Variants in FKBP15 observed in about 807,000 individuals in gnomAD.
FKBP15 encodes the protein FKBP prolyl isomerase family member 15, also known as FK506-binding protein 15.
FKBP15 carries 106 observed loss-of-function variants against 158.1 expected under a neutral mutation model. The observed-to-expected ratio is 0.67, with a 90% CI of 0.57 to 0.79. The LOEUF (loss-of-function observed/expected upper bound fraction) is 0.79. Ranked by LOEUF, FKBP15 falls within the 30% of genes least tolerant of loss-of-function variation. FKBP15 has a pLI of 0.00. For synonymous variants in FKBP15, 547 were observed against 548.6 expected (o/e 1.00, Z 0.04); for missense variants, 1,287 against 1,479.1 (o/e 0.87, Z 2.13).
chr9:113,185,242 T>G (rs1830465958), intron 15 of FKBP15, among the ~76,000 whole-genome samples: 1 of 152,136 alleles, frequency 6.6e-6, no homozygotes, highest in African/African-American at 2.4e-5. Flanking sequence ...AGAGAGTGTA[T>G]TAAGTGCAAA....
At chr9:113,218,831 C>A (rs1564195867) in intron 1 of FKBP15, among the ~76,000 whole-genome samples, 1 of 152,156 alleles carries the variant, frequency 6.6e-6, no homozygotes, top group African/African-American at 2.4e-5. Flanking sequence ...TTTTTCCTAT[C>A]TTTTACAGAA....
intron 1 of FKBP15, among the ~76,000 whole-genome samples, chr9:113,217,061 G>T (rs946607056): frequency 6.6e-5 from 10 of 151,444 alleles, no homozygotes; most frequent in Non-Finnish European, 1.2e-4. Flanking sequence ...CCGCCACCAG[G>T]CCTGGCTAAT....
At chr9:113,172,208 A>G (rs1243620429) in intron 23 of FKBP15, among the ~76,000 whole-genome samples, 1 of 152,112 alleles carries the variant, frequency 6.6e-6, no homozygotes. Context: ...ATAGTATTCC[A>G]TGGTGTATAT....
intron 23 of FKBP15, among the ~76,000 whole-genome samples, chr9:113,172,610 C>T (rs1043221823): frequency 1.3e-5 from 2 of 152,144 alleles, no homozygotes; most frequent in Non-Finnish European, 2.9e-5. Flanking sequence ...CCTCATCATT[C>T]GACTTCAACG....
intron 15 of FKBP15, among the ~76,000 whole-genome samples, chr9:113,185,654 A>G (rs1830473948): frequency 6.6e-6 from 1 of 152,222 alleles, no homozygotes; most frequent in Non-Finnish European, 1.5e-5. Flanking sequence ...ACATTTGTAC[A>G]TGCATACAAA....
intron 2 of FKBP15, among the ~76,000 whole-genome samples, chr9:113,210,799 G>A (rs1830986206): frequency 6.6e-6 from 1 of 152,164 alleles, no homozygotes; most frequent in Non-Finnish European, 1.5e-5. Flanking sequence ...GGTGGAAGGG[G>A]CTGACTTGCT....
chr9:113,169,953 G>C lies in FKBP15; in HGVS notation c.2767-11C>G, dbSNP rs1306026900. The C allele has an allele frequency of 2.0e-6, 3 of 1,528,118 alleles. No individual in the cohort carries two copies. The highest frequency in any genetic ancestry group is 2.0e-5 in the Admixed American group (1 of 49,788). 94.7% of individuals were successfully genotyped at this position (1,528,118 alleles called of 1,614,324 possible). ...CTGAAGAGTCACCATCTATTCAAAA[G>C]CCAAGGAAGAGATGGTCACTGAAAG... is the stretch of plus-strand genomic sequence containing the variant. On this transcript the variant is annotated splice_polypyrimidine_tract_variant and intron_variant, in intron 25 of 27. Transcript: ENST00000238256.
At position 113,184,425 on chromosome 9, in the gene FKBP15, T is replaced by C. The variant is rs1218767602; in HGVS notation, c.1609-26A>G. On this transcript the variant is annotated intron_variant, in intron 16 of 27. Transcript: ENST00000238256. The surrounding 1 kb of genome is among the most constrained non-coding windows in gnomAD (Gnocchi z 4.5). ...CTACAAAAGGGATACCAGAAAGACCTTGTGAGAAATTATAAAATGAAGAAA... is the reference window on the plus strand; with the variant it reads ...CTACAAAAGGGATACCAGAAAGACCCTGTGAGAAATTATAAAATGAAGAAA... 1.3e-6 allele frequency: 2 copies of C among 1,493,960 alleles called. No homozygotes were observed. Among genetic ancestry groups the C allele is most frequent in the African/African-American group, 1.4e-5 (1 of 72,624 alleles). 92.5% of individuals were successfully genotyped at this position (1,493,960 alleles called of 1,614,324 possible).
chr9:113,201,968 G>A (rs151111078), intron 6 of FKBP15, among the ~76,000 whole-genome samples: 1 of 152,236 alleles, frequency 6.6e-6, no homozygotes, highest in Admixed American at 6.5e-5. Flanking sequence ...GTAAGACTAT[G>A]AGTGATTTTT....
At position 113,163,952 on chromosome 9, in the gene FKBP15, AG is replaced by A. The variant is rs1012574957; in HGVS notation, c.*2125del. On this transcript the variant is annotated 3_prime_UTR_variant, in exon 28 of 28. Transcript: ENST00000238256. ...CTGACTGAAGATGCAATCCAACCAA[AG>A]CCATTACATTTTTTGAGTTAGATGG... 2.0e-5 allele frequency: 3 copies of A among 152,548 alleles called. No homozygotes were observed. Among genetic ancestry groups the A allele is most frequent in the African/African-American group, 2.4e-5 (1 of 41,424 alleles). 9.4% of individuals were successfully genotyped at this position (152,548 alleles called of 1,614,324 possible).
intron 19 of FKBP15, among the ~76,000 whole-genome samples, chr9:113,181,176 T>C (rs2118882820): frequency 6.6e-6 from 1 of 152,330 alleles, no homozygotes; most frequent in African/African-American, 2.4e-5. Flanking sequence ...TAGCTGTGAT[T>C]ACTATTGTCA....
rs768173501 is a variant in FKBP15 at position 113,186,297 on chromosome 9, C to T, written c.1450G>A (p.Val484Ile). The T allele has an allele frequency of 2.5e-6, 4 of 1,570,908 alleles. No individual in the cohort carries two copies. Among genetic ancestry groups the T allele is most frequent in the African/African-American group, 1.3e-5 (1 of 74,170 alleles). ...ASAVTSQLQP[V>I]RPLYPAPLSQ... is the part of the protein sequence containing the mutation. Reference sequence around the variant, plus strand: ...AGCGGTGCTGGGTACAAAGGCCGAACGGGCTGCAGCTGGGAGGTGACGGCA... The same window carrying T: ...AGCGGTGCTGGGTACAAAGGCCGAATGGGCTGCAGCTGGGAGGTGACGGCA... The change falls in exon 15 of 28, where the codon GTT (valine) becomes ATT (isoleucine). Residue 484 changes from valine (V) to isoleucine (I), a missense_variant. By Grantham distance (29) the Val-to-Ile change is conservative. Coordinates refer to ENST00000238256, the MANE Select transcript of FKBP15 (RefSeq NM_015258.2).
chr9:113,216,732 G>A (rs2118963747), intron 1 of FKBP15, among the ~76,000 whole-genome samples: 1 of 152,248 alleles, frequency 6.6e-6, no homozygotes, highest in African/African-American at 2.4e-5. Context: ...TAAACCATGA[G>A]TATTGGGCTT....
intron 19 of FKBP15, among the ~76,000 whole-genome samples, 182 bp downstream of exon 19, chr9:113,182,584 G>A (rs546004692): frequency 2.0e-5 from 3 of 152,262 alleles, no homozygotes; most frequent in Admixed American, 6.5e-5. Context: ...ACCTTACTGC[G>A]AAGCATATTA....
At chr9:113,216,810 T>C (rs968265354) in intron 1 of FKBP15, among the ~76,000 whole-genome samples, 2 of 152,158 alleles carry the variant, frequency 1.3e-5, no homozygotes, top group African/African-American at 4.8e-5. Flanking sequence ...TGAACTGTGT[T>C]TCCATAGATG....
chr9:113,194,441 TAAA>T, intron 9 of FKBP15, among the ~76,000 whole-genome samples: 1 of 120,896 alleles, frequency 8.3e-6, no homozygotes, highest in Non-Finnish European at 1.8e-5. Context: ...AAATAAATAA[TAAA>T]TAAATTAAAA....
intron 3 of FKBP15, chr9:113,206,981 T>G: frequency 2.1e-6 from 1 of 483,102 alleles, no homozygotes. Flanking sequence ...TCTTTGAGCA[T>G]TTGACAGCTG....
At chr9:113,209,088 G>T (rs1023574673) in intron 2 of FKBP15, among the ~76,000 whole-genome samples, 1 of 150,344 alleles carries the variant, frequency 6.7e-6, no homozygotes, top group Non-Finnish European at 1.5e-5. Flanking sequence ...AATGCCTAAA[G>T]AAAACTGTAT....
chr9:113,177,430 C>T (rs1830319012), intron 20 of FKBP15, among the ~76,000 whole-genome samples: 1 of 152,224 alleles, frequency 6.6e-6, no homozygotes, highest in Non-Finnish European at 1.5e-5. Context: ...ATTTGAACAA[C>T]ATTCAAATCT....
Sources: gnomAD v4.1 joint callset for allele counts (sites outside exome capture counted in the v4.1 genomes callset) on GRCh38, gnomAD v4.1.1 for gene constraint, Gnocchi (gnomAD v3.1) non-coding constraint, MANE v1.5 for transcripts, NCBI Gene and HGNC (gene_info 2026-07-23, HGNC 2026-07-21) for gene names.